The following C1QTNF7 variants were observed in gnomAD, a reference collection of about 807,000 sequenced individuals.
C1QTNF7 encodes the protein C1q and TNF related 7, also known as complement C1q tumor necrosis factor-related protein 7.
Under a neutral mutation model 19.6 loss-of-function variants are expected in C1QTNF7, and 15 were observed. The ratio of observed to expected loss-of-function variants is 0.76; its 90% CI spans 0.51 to 1.18. C1QTNF7 has a LOEUF of 1.18. Ranked by LOEUF, C1QTNF7 falls within the 50% of genes most tolerant of loss-of-function variation. The probability of loss-of-function intolerance (pLI) is 0.00; values close to 1 mark genes in which losing one functional copy is unlikely to be tolerated. For synonymous variants in C1QTNF7, 142 were observed against 137.5 expected (o/e 1.03, Z -0.23); for missense variants, 324 against 359.7 (o/e 0.90, Z 0.80).
intron 1 of C1QTNF7, among the ~76,000 whole-genome samples, chr4:15,340,460 T>C (rs959652230): frequency 2.0e-5 from 3 of 152,156 alleles, no homozygotes; most frequent in Admixed American, 2.0e-4. Flanking sequence ...TTTCAGAAAA[T>C]GTAAGCGGAG....
In C1QTNF7 at chr4:15,435,729, C is replaced by A. The variant is rs768494606; in HGVS notation, c.-8-7C>A. ...AGTTCATTTACGTCTGTGTGTTTCT[C>A]TTCCAGAGCCAAAGATGTTTGTCTT... is the stretch of plus-strand genomic sequence containing the variant. On this transcript the variant is annotated splice_region_variant and splice_polypyrimidine_tract_variant and intron_variant, in intron 1 of 2. Coordinates refer to ENST00000444304, the MANE Select transcript of C1QTNF7 (RefSeq NM_031911.5). 6.2e-7 allele frequency: 1 copy of A among 1,613,994 alleles called. No individual in the cohort carries two copies. The highest frequency in any genetic ancestry group is 8.5e-7 in the Non-Finnish European group (1 of 1,179,980).
intron 1 of C1QTNF7, among the ~76,000 whole-genome samples, chr4:15,391,575 A>T (rs1441195054): frequency 1.4e-4 from 22 of 152,140 alleles, no homozygotes. Context: ...ACCAGCACAG[A>T]TCTGAGAATT....
chr4:15,343,829 T>C (rs1414590571), intron 1 of C1QTNF7, among the ~76,000 whole-genome samples: 2 of 152,238 alleles, frequency 1.3e-5, no homozygotes, highest in African/African-American at 2.4e-5. Context: ...AACCCACTTA[T>C]ATCTTACAAC....
chr4:15,435,593 C>T, intron 1 of C1QTNF7, 143 bp from the exon 2 acceptor site: 1 of 1,149,442 alleles, frequency 8.7e-7, no homozygotes, highest in South Asian at 1.6e-5. Context: ...TGAAGGTAAA[C>T]AGTGTTTTAC....
intron 1 of C1QTNF7, among the ~76,000 whole-genome samples, chr4:15,378,783 G>C (rs767680696): frequency 5.3e-5 from 8 of 152,198 alleles, no homozygotes; most frequent in Non-Finnish European, 1.0e-4. Context: ...AACTAATAGA[G>C]TGTACAGCTT....
chr4:15,375,099 G>A (rs1238425286), intron 1 of C1QTNF7, among the ~76,000 whole-genome samples: 1 of 151,828 alleles, frequency 6.6e-6, no homozygotes, highest in African/African-American at 2.4e-5. Context: ...ACTCGCGGGG[G>A]CAAGCAGAAG....
At chr4:15,354,616 C>T (rs1399898892) in intron 1 of C1QTNF7, among the ~76,000 whole-genome samples, 1 of 151,994 alleles carries the variant, frequency 6.6e-6, no homozygotes, top group African/African-American at 2.4e-5. Flanking sequence ...CAATGTGGTT[C>T]ACATTGGATG....
chr4:15,347,544 T>C (rs190897293), intron 1 of C1QTNF7, among the ~76,000 whole-genome samples: 1 of 152,270 alleles, frequency 6.6e-6, no homozygotes, highest in Non-Finnish European at 1.5e-5. Flanking sequence ...GCTCACCAAA[T>C]TTCAGATGAT....
At chr4:15,400,469 G>T (rs1370977791) in intron 1 of C1QTNF7, among the ~76,000 whole-genome samples, 1 of 152,168 alleles carries the variant, frequency 6.6e-6, no homozygotes. Context: ...CCATTGTTTT[G>T]TTTTCTGGTG....
intron 2 of C1QTNF7, among the ~76,000 whole-genome samples, chr4:15,441,148 GA>G (rs957038207): frequency 1.3e-5 from 2 of 150,498 alleles, no homozygotes; most frequent in African/African-American, 4.9e-5. Flanking sequence ...TCTCAAAAAA[GA>G]AAAAAAAAGA....
At chr4:15,385,537 G>A (rs1718301642) in intron 1 of C1QTNF7, among the ~76,000 whole-genome samples, 2 of 152,206 alleles carry the variant, frequency 1.3e-5, no homozygotes, top group Admixed American at 6.5e-5. Flanking sequence ...GATCCCATGA[G>A]GCAGAGACTT....
chr4:15,413,667 G>A (rs1051781643), intron 1 of C1QTNF7, among the ~76,000 whole-genome samples: 13 of 152,168 alleles, frequency 8.5e-5, no homozygotes, highest in African/African-American at 3.1e-4. Flanking sequence ...TAAAAAGGAA[G>A]ATTAACTTTC....
At chr4:15,405,008 A>G (rs1284104092) in intron 1 of C1QTNF7, among the ~76,000 whole-genome samples, 1 of 152,186 alleles carries the variant, frequency 6.6e-6, no homozygotes, top group Non-Finnish European at 1.5e-5. Flanking sequence ...GTCAGTTCCC[A>G]CTTTTTCTCA....
Position 15,443,973 on chromosome 4 carries a change from G to C in C1QTNF7, c.*1174G>C, listed in dbSNP as rs1420666184. The C allele has an allele frequency of 1.3e-5, 2 of 152,198 alleles. No individual in the cohort carries two copies. Among genetic ancestry groups the C allele is most frequent in the African/African-American group, 2.4e-5 (1 of 41,438 alleles). The allele number at this position is 152,198 out of a possible 1,614,324, so 9.4% of individuals were successfully genotyped here. ...AGAGAGCCAAATGTCTGAGTAAACAGATATCCCTTCCAAGTCTCACACCTC... is the reference window on the plus strand; with the variant it reads ...AGAGAGCCAAATGTCTGAGTAAACACATATCCCTTCCAAGTCTCACACCTC... On this transcript the variant is annotated 3_prime_UTR_variant, in exon 3 of 3. Coordinates refer to ENST00000444304, the MANE Select transcript of C1QTNF7 (RefSeq NM_031911.5).
chr4:15,378,466 C>T, intron 1 of C1QTNF7, among the ~76,000 whole-genome samples: 1 of 152,218 alleles, frequency 6.6e-6, no homozygotes, highest in African/African-American at 2.4e-5. Context: ...ATTACAGTAG[C>T]TGTTTCATTC....
intron 1 of C1QTNF7, among the ~76,000 whole-genome samples, chr4:15,399,055 A>C (rs1041332687): frequency 1.3e-5 from 2 of 152,034 alleles, no homozygotes; most frequent in African/African-American, 4.8e-5. Flanking sequence ...TTCTTCCCCC[A>C]CCAGTCTAGC....
intron 1 of C1QTNF7, among the ~76,000 whole-genome samples, chr4:15,370,962 C>A (rs150469863): frequency 6.6e-6 from 1 of 152,360 alleles, no homozygotes; most frequent in East Asian, 1.9e-4. Context: ...TCCCTAAACA[C>A]AACATGCTGT....
intron 1 of C1QTNF7, among the ~76,000 whole-genome samples, chr4:15,389,870 C>T (rs1403556141): frequency 2.0e-5 from 3 of 152,144 alleles, no homozygotes; most frequent in East Asian, 3.9e-4. Flanking sequence ...GGAAATGAGG[C>T]TCACACCGTC....
chr4:15,413,455 G>C (rs1202414656), intron 1 of C1QTNF7, among the ~76,000 whole-genome samples: 2 of 152,186 alleles, frequency 1.3e-5, no homozygotes, highest in East Asian at 3.8e-4. Flanking sequence ...GCTAAAAATT[G>C]GCAAACTCTC....
Sources: allele counts gnomAD v4.1 joint callset (sites outside exome capture counted in the v4.1 genomes callset), GRCh38; gene constraint gnomAD v4.1.1; transcripts MANE v1.5; gene names NCBI Gene and HGNC (gene_info 2026-07-23, HGNC 2026-07-21).